ZNF136: variants seen among roughly 807,000 people sequenced by gnomAD.
The protein encoded by ZNF136 is zinc finger protein 136 (clone pHZ-20).
In ZNF136, 8 loss-of-function variants were observed where a neutral mutation model predicts 11.4. That is an observed-to-expected ratio of 0.70 (90% CI 0.41 to 1.27). The LOEUF is 1.27. ZNF136 is among the 50% of genes most tolerant of loss of function. ZNF136 has a pLI of 0.01. For missense variants in ZNF136, 590 were observed against 656.5 expected (o/e 0.90, Z 1.11); for synonymous variants, 190 against 207.1 (o/e 0.92, Z 0.71).
At chr19:12,168,856 A>G (rs1258364863) in intron 1 of ZNF136, among the ~76,000 whole-genome samples, 3 of 151,598 alleles carry the variant, frequency 2.0e-5, no homozygotes, top group Admixed American at 6.6e-5. Flanking sequence ...TTTTGTATTT[A>G]TAGTAGAGAT....
chr19:12,178,962 C>T (rs1914867195), intron 1 of ZNF136, among the ~76,000 whole-genome samples: 1 of 150,412 alleles, frequency 6.6e-6, no homozygotes, highest in African/African-American at 2.5e-5. Context: ...GCACTCCAGC[C>T]TGGGCAGCAG....
At chr19:12,177,217 G>C (rs551027213) in intron 1 of ZNF136, among the ~76,000 whole-genome samples, 3 of 152,296 alleles carry the variant, frequency 2.0e-5, no homozygotes, top group African/African-American at 7.2e-5. Flanking sequence ...TGGTGGAAGA[G>C]GTATTGAAAG....
In ZNF136 at chr19:12,187,543, G is replaced by A; in HGVS notation, c.1165G>A (p.Glu389Lys). ...MRRHMIKHTG[E>K]GPYKCKVCGK... ...AAGACACATGATAAAACATACTGGA[G>A]AAGGACCTTATAAATGTAAGGTATG... Residue 389 changes from glutamate (E) to lysine (K), a missense_variant, in exon 4 of 4, where the codon GAA becomes AAA. Glu to Lys is a moderately conservative substitution (Grantham distance 56). Transcript: ENST00000343979. 1 of 1,613,882 alleles carries A rather than the reference G, an allele frequency of 6.2e-7. No homozygotes were observed. The highest frequency in any genetic ancestry group is 8.5e-7 in the Non-Finnish European group (1 of 1,179,970).
At position 12,187,718 on chromosome 19, in the gene ZNF136, C is replaced by T. The variant is rs764395646; in HGVS notation, c.1340C>T (p.Pro447Leu). 1 of 1,613,980 alleles carries T rather than the reference C, an allele frequency of 6.2e-7. No individual in the cohort carries two copies. Among genetic ancestry groups the T allele is most frequent in the Non-Finnish European group, 8.5e-7 (1 of 1,179,990 alleles). The change falls in exon 4 of 4, where the codon CCC (proline) becomes CTC (leucine). Residue 447 changes from proline to leucine, a missense_variant. Physicochemically the swap from Pro to Leu is moderately conservative, Grantham distance 98. Transcript: ENST00000343979. ...IHERTHTGEK[P>L]YECKQCGKAF... The stretch of plus-strand genomic sequence containing the variant: ...GAAAGAACTCATACTGGAGAGAAAC[C>T]CTATGAGTGTAAGCAATGTGGGAAA...
intron 1 of ZNF136, among the ~76,000 whole-genome samples, chr19:12,184,069 C>T (rs1915020398): frequency 2.0e-5 from 3 of 148,126 alleles, no homozygotes; most frequent in Non-Finnish European, 4.5e-5. Flanking sequence ...AGTTTGGGTC[C>T]AGCCTGGCCA....
At chr19:12,181,741 TCTC>T (rs1428256371) in intron 1 of ZNF136, among the ~76,000 whole-genome samples, 3 of 152,062 alleles carry the variant, frequency 2.0e-5, no homozygotes, top group Non-Finnish European at 4.4e-5. Flanking sequence ...TTCACACCAT[TCTC>T]CTGCTTCAGC....
chr19:12,168,070 T>C (rs1483421313), intron 1 of ZNF136, among the ~76,000 whole-genome samples: 3 of 126,786 alleles, frequency 2.4e-5, no homozygotes, highest in Admixed American at 8.0e-5. Context: ...TTTTTTTTTT[T>C]TTTTTTTTTT....
chr19:12,187,703 A>T lies in ZNF136; in HGVS notation c.1325A>T (p.His442Leu). The T allele has an allele frequency of 6.2e-7, 1 of 1,614,142 alleles. No homozygotes were observed. The highest frequency in any genetic ancestry group is 8.5e-7 in the Non-Finnish European group (1 of 1,180,030). The change falls in exon 4 of 4, where the codon CAT (histidine) becomes CTT (leucine). Residue 442 changes from histidine to leucine, a missense_variant. His to Leu is a moderately conservative substitution (Grantham distance 99, BLOSUM62 -3). Coordinates refer to ENST00000343979, the MANE Select transcript of ZNF136 (RefSeq NM_003437.5). ...TCAATTCGAATACATGAAAGAACTC[A>T]TACTGGAGAGAAACCCTATGAGTGT... The part of the protein sequence containing the change: ...STSIRIHERT[H>L]TGEKPYECKQ...
At chr19:12,179,174 A>G (rs532580608) in intron 1 of ZNF136, among the ~76,000 whole-genome samples, 3 of 152,178 alleles carry the variant, frequency 2.0e-5, no homozygotes, top group Non-Finnish European at 4.4e-5. Flanking sequence ...CAAGCTTTTA[A>G]CCTTTTTCCA....
rs145352788 is a variant in ZNF136 at position 12,187,229 on chromosome 19, A to G, written c.851A>G (p.Gln284Arg). 16 of 1,613,898 alleles carry G rather than the reference A, an allele frequency of 9.9e-6. No homozygotes were observed. In the African/African-American group the frequency reaches 2.1e-4, roughly 22 times the overall value. ...GGAGAAAAACCCTTTAAATGTAAGC[A>G]ATGTGGTAAAGCCTTCAGTTGTTCC... ...HTGEKPFKCK[Q>R]CGKAFSCSPT... is the part of the protein sequence containing the mutation. Residue 284 changes from glutamine to arginine, a missense_variant, in exon 4 of 4, where the codon CAA becomes CGA. By Grantham distance (43) the Gln-to-Arg change is conservative (BLOSUM62 1). Coordinates refer to ENST00000343979, the MANE Select transcript of ZNF136 (RefSeq NM_003437.5).
chr19:12,169,816 A>G (rs1914596042), intron 1 of ZNF136, among the ~76,000 whole-genome samples: 1 of 149,118 alleles, frequency 6.7e-6, no homozygotes, highest in Non-Finnish European at 1.5e-5. Flanking sequence ...TTTTTTTGAG[A>G]CAGAGTCTCT....
In ZNF136 at chr19:12,187,743, A is replaced by G. The variant is rs751389612; in HGVS notation, c.1365A>G (p.Lys455=). The G allele has an allele frequency of 3.1e-6, 5 of 1,613,334 alleles. No homozygotes were observed. Among genetic ancestry groups the G allele is most frequent in the Non-Finnish European group, 4.2e-6 (5 of 1,179,830 alleles). ...EKPYECKQCG[K]AFSYLNSFRT... is the part of the protein sequence containing the mutation. ...CCTATGAGTGTAAGCAATGTGGGAA[A>G]GCCTTCAGTTATCTCAACTCCTTTC... Residue 455 remains lysine, a synonymous_variant, in exon 4 of 4, where the codon AAA becomes AAG. Transcript: ENST00000343979.
At chr19:12,185,638 G>T in intron 1 of ZNF136, 147 bp from the exon 2 acceptor site, 4 of 963,668 alleles carry the variant, frequency 4.2e-6, no homozygotes, top group Non-Finnish European at 6.0e-6. Flanking sequence ...GAGAGTTGCT[G>T]TGTGGAAGGA....
At chr19:12,170,588 A>G (rs145618988) in intron 1 of ZNF136, among the ~76,000 whole-genome samples, 1 of 151,192 alleles carries the variant, frequency 6.6e-6, no homozygotes, top group Non-Finnish European at 1.5e-5. Flanking sequence ...GGGTCTTGCC[A>G]TGTTGCCCAG....
intron 1 of ZNF136, among the ~76,000 whole-genome samples, chr19:12,183,105 G>A (rs1479307952): frequency 6.6e-6 from 1 of 151,606 alleles, no homozygotes; most frequent in African/African-American, 2.4e-5. Context: ...AGTTTCTCAG[G>A]TCTGTTCTTT....
At position 12,163,128 on chromosome 19, in the gene ZNF136, G is replaced by T; in HGVS notation, c.-76G>T. On this transcript the variant is annotated 5_prime_UTR_variant, in exon 1 of 4. Transcript: ENST00000343979. ...CCAGAGGCCCAGAGTGGCTCGCCTGGAGTCTCTGTGGCGCGGTTTCCTGTA... is the reference window on the plus strand; with the variant it reads ...CCAGAGGCCCAGAGTGGCTCGCCTGTAGTCTCTGTGGCGCGGTTTCCTGTA... The T allele has an allele frequency of 1.4e-6, 2 of 1,383,920 alleles. No homozygotes were observed. Among genetic ancestry groups the T allele is most frequent in the East Asian group, 2.7e-5 (1 of 36,394 alleles). The allele number at this position is 1,383,920 out of a possible 1,614,324, so 85.7% of individuals were successfully genotyped here.
chr19:12,173,091 C>T (rs1036563037), intron 1 of ZNF136, among the ~76,000 whole-genome samples: 5 of 152,096 alleles, frequency 3.3e-5, no homozygotes, highest in Admixed American at 2.0e-4. Flanking sequence ...ATTTGTGACA[C>T]ATACCCTCAG....
At chr19:12,179,412 G>T (rs775752820) in intron 1 of ZNF136, among the ~76,000 whole-genome samples, 1 of 151,662 alleles carries the variant, frequency 6.6e-6, no homozygotes, top group Non-Finnish European at 1.5e-5. Context: ...CCAGGTTCAA[G>T]CTATTCTCCT....
At chr19:12,172,587 C>G (rs1001451052) in intron 1 of ZNF136, among the ~76,000 whole-genome samples, 1 of 152,192 alleles carries the variant, frequency 6.6e-6, no homozygotes, top group African/African-American at 2.4e-5. Flanking sequence ...CCACTCTGTT[C>G]CTACCAAGAG....
Sources: allele counts gnomAD v4.1 joint callset (sites outside exome capture counted in the v4.1 genomes callset), GRCh38; gene constraint gnomAD v4.1.1; transcripts MANE v1.5; gene names NCBI Gene and HGNC (gene_info 2026-07-23, HGNC 2026-07-21).